The following MAGEC3 variants were observed in gnomAD, a reference collection of about 807,000 sequenced individuals.
MAGEC3 encodes MAGE family member C3.
A neutral mutation model predicts 35.3 loss-of-function variants in MAGEC3; 34 were observed. That is an observed-to-expected ratio of 0.96 (90% confidence interval 0.73 to 1.28). The LOEUF is 1.28. Ranked by LOEUF, MAGEC3 falls within the 50% of genes most tolerant of loss-of-function variation. The probability of loss-of-function intolerance (pLI) is 0.00; values close to 1 mark genes in which losing one functional copy is unlikely to be tolerated. For synonymous variants in MAGEC3, 202 were observed against 185.6 expected (o/e 1.09, Z -0.72); for missense variants, 561 against 483.6 (o/e 1.16, Z -1.50).
chrX:141,896,632 T>G, intron 6 of MAGEC3: 1 of 1,201,724 alleles, frequency 8.3e-7, no homozygotes, highest in East Asian at 3.0e-5. Flanking sequence ...GTTTACCTGC[T>G]GCTCCTGAAC....
At chrX:141,876,373 T>C (rs2017920313) in intron 2 of MAGEC3, among the ~76,000 whole-genome samples, 1 of 111,822 alleles carries the variant, frequency 8.9e-6, no homozygotes, top group Non-Finnish European at 1.9e-5. Context: ...CCAGCCACTA[T>C]TGAGATTTCA....
chrX:141,857,527 C>T (rs2017788809), intron 1 of MAGEC3, among the ~76,000 whole-genome samples: 1 of 111,312 alleles, frequency 9.0e-6, no homozygotes, highest in African/African-American at 3.3e-5. Flanking sequence ...TTTCCTGTAT[C>T]CCCTGCTGTA....
chrX:141,888,395 A>T (rs2018017592), intron 4 of MAGEC3, among the ~76,000 whole-genome samples: 1 of 112,420 alleles, frequency 8.9e-6, no homozygotes, highest in South Asian at 3.7e-4. Context: ...GTGCGATGAT[A>T]TACTTATGCA....
intron 1 of MAGEC3, chrX:141,840,105 A>G (rs1231324947): frequency 1.6e-5 from 9 of 560,879 alleles, no homozygotes; most frequent in Non-Finnish European, 1.9e-5. Flanking sequence ...GACCTATTCT[A>G]TAGCTGTTAA....
intron 1 of MAGEC3, among the ~76,000 whole-genome samples, chrX:141,848,219 A>G (rs1475905615): frequency 9.1e-6 from 1 of 110,144 alleles, no homozygotes; most frequent in African/African-American, 3.3e-5. Context: ...CTGGAATAAG[A>G]CAAGGATACC....
rs773188552 is a variant in MAGEC3, at chrX:141,879,292, C to A, written c.376C>A (p.Pro126Thr). The A allele has an allele frequency of 8.3e-7, 1 of 1,206,655 alleles. No individual in the cohort carries two copies. ...RAVSVKQREEPQDWPLNEKRT... is the reference protein window; with the variant it reads ...RAVSVKQREETQDWPLNEKRT... ...AGTTTCAGTTAAGCAGAGGGAGGAA[C>A]CCCAGGACTGGCCACTCAACGAGAA... Residue 126 changes from proline to threonine, a missense_variant, in exon 3 of 8, where the codon CCC (proline) becomes ACC (threonine). Pro to Thr is a conservative substitution (Grantham distance 38, BLOSUM62 -1). Transcript: ENST00000298296.
chrX:141,838,866 A>T (rs2017669051), intron 1 of MAGEC3: 1 of 752,151 alleles, frequency 1.3e-6, no homozygotes, highest in Non-Finnish European at 1.6e-6. Flanking sequence ...CTTGCACCTC[A>T]GCCCTGGGCT....
intron 1 of MAGEC3, among the ~76,000 whole-genome samples, chrX:141,851,258 C>T (rs952076861): frequency 1.8e-5 from 2 of 110,477 alleles, no homozygotes; most frequent in African/African-American, 6.6e-5. Flanking sequence ...TCTTTGTCAA[C>T]ATGGTAGGTA....
chrX:141,867,652 T>C (rs2124102668), intron 2 of MAGEC3, among the ~76,000 whole-genome samples: 1 of 112,453 alleles, frequency 8.9e-6, no homozygotes, highest in South Asian at 3.7e-4. Context: ...TTACTGCTGC[T>C]ATGAGGATAA....
intron 1 of MAGEC3, among the ~76,000 whole-genome samples, chrX:141,863,220 A>G (rs1226221348): frequency 9.0e-6 from 1 of 111,597 alleles, no homozygotes; most frequent in Non-Finnish European, 1.9e-5. Flanking sequence ...GTGTGAAAAA[A>G]TCCTACAGAG....
rs757532386 is a variant in MAGEC3, at chrX:141,881,554, C to G, written c.667C>G (p.Pro223Ala). Residue 223 changes from proline to alanine, a missense_variant, in exon 4 of 8, where the codon CCT (proline) becomes GCT (alanine). Pro to Ala is a conservative substitution (Grantham distance 27, BLOSUM62 -1). Transcript: ENST00000298296. ...NVINTYTGYF[P>A]MIFRKAREFI... is the part of the protein sequence containing the mutation. ...CATCAACACATACACGGGCTACTTT[C>G]CTATGATCTTCAGGAAAGCCCGTGA... 9.1e-6 allele frequency: 11 copies of G among 1,209,671 alleles called. No homozygotes were observed. The highest frequency in any genetic ancestry group is 1.2e-5 in the Non-Finnish European group (11 of 895,053).
chrX:141,873,366 G>A (rs1013062407), intron 2 of MAGEC3, among the ~76,000 whole-genome samples: 6 of 110,874 alleles, frequency 5.4e-5, no homozygotes, highest in Non-Finnish European at 7.5e-5. Flanking sequence ...TTTTACTGGG[G>A]CCCATTGTAT....
chrX:141,884,617 T>G (rs897880835), intron 4 of MAGEC3, among the ~76,000 whole-genome samples: 13 of 111,417 alleles, frequency 1.2e-4, no homozygotes, highest in African/African-American at 4.2e-4. Flanking sequence ...AGTTGGATGC[T>G]TAATGTGATT....
At chrX:141,865,434 C>CATTAAAA in intron 1 of MAGEC3, 37 bp from the exon 2 acceptor site, 1 of 1,164,156 alleles carries the variant, frequency 8.6e-7, no homozygotes, top group Non-Finnish European at 1.2e-6. Flanking sequence ...AGAGGTTGCC[C>CATTAAAA]CAGCCTAGTC....
intron 2 of MAGEC3, among the ~76,000 whole-genome samples, chrX:141,876,673 T>C (rs375959076): frequency 8.9e-6 from 1 of 112,315 alleles, no homozygotes; most frequent in East Asian, 2.8e-4. Flanking sequence ...AAACATATTT[T>C]AAGGTAGGTT....
In MAGEC3 at chrX:141,897,084, G is replaced by A; in HGVS notation, c.1326G>A (p.Trp442Ter). The A allele has an allele frequency of 8.3e-7, 1 of 1,211,608 alleles. No individual in the cohort carries two copies. The highest frequency in any genetic ancestry group is 1.1e-6 in the Non-Finnish European group (1 of 895,431). Reference sequence around the variant, plus strand: ...GTGAAGAGGAGGATACAGCTACTTGGCATGCCTTGCCAGAAAGTGAATCCT... The same window carrying A: ...GTGAAGAGGAGGATACAGCTACTTGACATGCCTTGCCAGAAAGTGAATCCT... Reference protein sequence around the residue: ...SSSEEEDTATWHALPESESLP... With the variant: ...SSSEEEDTAT The change falls in exon 7 of 8, where the codon TGG becomes TGA. Residue 442 changes from tryptophan (W) to a stop codon, truncating the protein, a stop_gained. Transcript: ENST00000298296. LOFTEE classifies it high-confidence loss of function.
intron 2 of MAGEC3, among the ~76,000 whole-genome samples, chrX:141,874,762 ACACT>A (rs969519735): frequency 4.6e-5 from 5 of 109,866 alleles, no homozygotes; most frequent in African/African-American, 1.3e-4. Context: ...AAAAAAAAAT[ACACT>A]CACTCTAGAA....
chrX:141,863,512 G>C (rs771601645), intron 1 of MAGEC3, among the ~76,000 whole-genome samples: 1 of 112,005 alleles, frequency 8.9e-6, no homozygotes, highest in African/African-American at 3.2e-5. Context: ...ATCAATTGCA[G>C]TACGTGTACC....
At chrX:141,864,347 AAAGAT>A (rs1168450376) in intron 1 of MAGEC3, among the ~76,000 whole-genome samples, 1 of 109,287 alleles carries the variant, frequency 9.2e-6, no homozygotes, top group Non-Finnish European at 1.9e-5. Context: ...TAAAATGAAA[AAAGAT>A]AATAAAAATG....
Sources: allele counts gnomAD v4.1 joint callset (sites outside exome capture counted in the v4.1 genomes callset), GRCh38; gene constraint gnomAD v4.1.1; transcripts MANE v1.5; gene names NCBI Gene and HGNC (gene_info 2026-07-23, HGNC 2026-07-21).